Variants in VPS13A observed in about 807,000 individuals in gnomAD.
VPS13A encodes the protein vacuolar protein sorting 13 homolog A.
VPS13A carries 264 observed loss-of-function variants against 390.9 expected under a neutral mutation model. That is an observed-to-expected ratio of 0.68 (90% CI 0.61 to 0.75). The LOEUF (loss-of-function observed/expected upper bound fraction) is 0.75, where lower values mean the gene tolerates loss of function less well. VPS13A is among the 30% of genes least tolerant of loss of function. VPS13A has a pLI of 0.00. For synonymous variants in VPS13A, 1,231 were observed against 1,227.1 expected (o/e 1.00, Z -0.07); for missense variants, 3,409 against 3,733.9 (o/e 0.91, Z 2.27).
At position 77,339,494 on chromosome 9, in the gene VPS13A, GT is replaced by G. The variant is rs374897169; in HGVS notation, c.6379-8del. On this transcript the variant is annotated intron_variant, in intron 47 of 71. Coordinates refer to ENST00000360280, the MANE Select transcript of VPS13A (RefSeq NM_033305.3). ...TCTGCAACATTTTAAATTTTGTTTTGTTTTTTTTTTTTTTATTACAGGGAAT... is the reference window on the plus strand; with the variant it reads ...TCTGCAACATTTTAAATTTTGTTTTGTTTTTTTTTTTTTATTACAGGGAAT... The G allele has an allele frequency of 0.025, 32,047 of 1,280,680 alleles. 2 individuals carry two copies. The highest frequency in any genetic ancestry group is 0.026 in the Non-Finnish European group (24,841 of 961,402). 79.3% of individuals were successfully genotyped at this position (1,280,680 alleles called of 1,614,324 possible). A position where few individuals can be genotyped will look rare whatever the true frequency, so the allele number is the denominator to read the frequency against.
At chr9:77,301,173 C>T (rs1033093905) in intron 33 of VPS13A, among the ~76,000 whole-genome samples, 3 of 151,668 alleles carry the variant, frequency 2.0e-5, no homozygotes, top group Non-Finnish European at 4.4e-5. Context: ...GAAATTTACT[C>T]AAAGATATAT....
intron 68 of VPS13A, among the ~76,000 whole-genome samples, chr9:77,386,512 G>T (rs1447228890): frequency 9.9e-5 from 15 of 151,202 alleles, no homozygotes; most frequent in Admixed American, 9.9e-4. Context: ...AAAAAAAGTT[G>T]TGGTTATCTT....
chr9:77,313,940 G>C, intron 35 of VPS13A, 52 bp from the exon 36 acceptor site: 3 of 1,555,572 alleles, frequency 1.9e-6, no homozygotes, highest in Non-Finnish European at 2.6e-6. Context: ...GTATTTTAAT[G>C]AGCTACTTTT....
intron 68 of VPS13A, among the ~76,000 whole-genome samples, chr9:77,398,479 A>T (rs1198067057): frequency 6.6e-6 from 1 of 152,140 alleles, no homozygotes; most frequent in African/African-American, 2.4e-5. Context: ...AAAGGAAGAG[A>T]TTGGTTTGGA....
intron 40 of VPS13A, 103 bp downstream of exon 40, chr9:77,317,801 T>A: frequency 1.3e-6 from 1 of 776,132 alleles, no homozygotes; most frequent in Non-Finnish European, 2.0e-6. Context: ...GCAAACAAAA[T>A]AGGTGTGTTT....
chr9:77,298,509 C>T (rs1021037967), intron 33 of VPS13A, among the ~76,000 whole-genome samples: 2 of 152,132 alleles, frequency 1.3e-5, no homozygotes, highest in East Asian at 1.9e-4. Context: ...TATTGTTAAC[C>T]ATGAATTAAT....
intron 71 of VPS13A, among the ~76,000 whole-genome samples, chr9:77,414,739 TTAATAA>T (rs148536381): frequency 0.017 from 2,528 of 145,678 alleles, 48 homozygotes; most frequent in African/African-American, 0.048. Flanking sequence ...TGAAGTATAA[TTAATAA>T]TAATAATAAT....
chr9:77,249,581 T>C (rs908629716), intron 20 of VPS13A, among the ~76,000 whole-genome samples: 3 of 152,214 alleles, frequency 2.0e-5, no homozygotes, highest in African/African-American at 7.2e-5. Flanking sequence ...ATCTCCAGGA[T>C]GTTTAAGTGA....
chr9:77,308,255 A>G (rs1587546319), intron 35 of VPS13A, among the ~76,000 whole-genome samples, 157 bp downstream of exon 35: 1 of 150,792 alleles, frequency 6.6e-6, no homozygotes, highest in Non-Finnish European at 1.5e-5. Context: ...TTTGGGCAAA[A>G]TAAGATTTGT....
intron 5 of VPS13A, among the ~76,000 whole-genome samples, chr9:77,206,511 C>T (rs756861243): frequency 3.9e-5 from 6 of 152,026 alleles, no homozygotes; most frequent in Non-Finnish European, 8.8e-5. Flanking sequence ...CTATTTGCCT[C>T]TATCTGTTTA....
intron 34 of VPS13A, among the ~76,000 whole-genome samples, chr9:77,303,557 C>T (rs1448174511): frequency 6.6e-6 from 1 of 152,134 alleles, no homozygotes; most frequent in Non-Finnish European, 1.5e-5. Flanking sequence ...ACTCAGCACA[C>T]CAAGGACCTG....
intron 32 of VPS13A, among the ~76,000 whole-genome samples, chr9:77,294,412 A>G (rs1294335178): frequency 5.3e-5 from 8 of 152,040 alleles, no homozygotes; most frequent in African/African-American, 1.7e-4. Flanking sequence ...ACCTATCTCC[A>G]TAACATCACT....
chr9:77,206,329 T>TATATATATATATATATA (rs776724808), intron 5 of VPS13A, among the ~76,000 whole-genome samples: 2 of 146,580 alleles, frequency 1.4e-5, no homozygotes, highest in South Asian at 2.2e-4. Flanking sequence ...TACATATTTT[T>TATATATATATATATATA]TATATATATA....
Position 77,345,239 on chromosome 9 carries a change from A to G in VPS13A, c.7289+97A>G, listed in dbSNP as rs545469789. Reference sequence around the variant, plus strand: ...ATTTCTTAAGAGTATAAACACTGATAATAGCATTGTAGCTGTGTAAAACAG... The same window carrying G: ...ATTTCTTAAGAGTATAAACACTGATGATAGCATTGTAGCTGTGTAAAACAG... On this transcript the variant is annotated intron_variant, in intron 52 of 71. Transcript: ENST00000360280. 6.9e-4 allele frequency: 905 copies of G among 1,308,800 alleles called. 1 individual carries two copies. Among genetic ancestry groups the G allele is most frequent in the Non-Finnish European group, 9.0e-4 (825 of 917,940 alleles). The allele number at this position is 1,308,800 out of a possible 1,614,324, so 81.1% of individuals were successfully genotyped here. A position where few individuals can be genotyped will look rare whatever the true frequency, so the allele number is the denominator to read the frequency against.
chr9:77,326,345 G>A (rs1830017751), intron 45 of VPS13A, among the ~76,000 whole-genome samples: 2 of 151,974 alleles, frequency 1.3e-5, no homozygotes, highest in Non-Finnish European at 2.9e-5. Context: ...AATTTTTTCT[G>A]TCTTTGCCCT....
chr9:77,209,568 T>A, intron 6 of VPS13A, 36 bp downstream of exon 6: 1 of 1,323,428 alleles, frequency 7.6e-7, no homozygotes, highest in Non-Finnish European at 1.1e-6. Context: ...GTTTTTATAT[T>A]TATATGTAAG....
intron 68 of VPS13A, among the ~76,000 whole-genome samples, chr9:77,396,331 A>G (rs956634990): frequency 2.7e-4 from 41 of 152,206 alleles, no homozygotes; most frequent in African/African-American, 9.6e-4. Context: ...AGCTGTCAGT[A>G]TAGCCTATAC....
intron 68 of VPS13A, among the ~76,000 whole-genome samples, chr9:77,384,151 TC>T (rs1833577539): frequency 6.6e-6 from 1 of 151,738 alleles, no homozygotes; most frequent in Non-Finnish European, 1.5e-5. Context: ...TTCAAATGTT[TC>T]TCATGTTATT....
chr9:77,245,637 G>C (rs12337882), intron 19 of VPS13A, among the ~76,000 whole-genome samples: 30 of 152,122 alleles, frequency 2.0e-4, no homozygotes, highest in African/African-American at 6.0e-4. Context: ...GGAAATGCCA[G>C]GGTTTTTTCT....
Sources: gnomAD v4.1 joint callset for allele counts (sites outside exome capture counted in the v4.1 genomes callset) on GRCh38, gnomAD v4.1.1 for gene constraint, MANE v1.5 for transcripts, NCBI Gene and HGNC (gene_info 2026-07-23, HGNC 2026-07-21) for gene names.